PUM1: variants seen among roughly 807,000 people sequenced by gnomAD.
PUM1 encodes the protein pumilio RNA binding family member 1, also known as pumilio homolog 1.
A neutral mutation model predicts 131.8 loss-of-function variants in PUM1; 13 were observed. The observed-to-expected ratio is 0.10, with a 90% CI of 0.06 to 0.16. The LOEUF is 0.16. Ranked by LOEUF, PUM1 falls within the 10% of genes least tolerant of loss-of-function variation. The probability of loss-of-function intolerance (pLI) is 1.00; values close to 1 mark genes in which losing one functional copy is unlikely to be tolerated. For synonymous variants in PUM1, 509 were observed against 556.5 expected, an observed-to-expected ratio of 0.91 and a Z score of 1.20; for missense variants, 961 against 1,512.4, an observed-to-expected ratio of 0.64 and a Z score of 6.05.
intron 3 of PUM1, among the ~76,000 whole-genome samples, chr1:31,019,033 GA>G: frequency 6.6e-6 from 1 of 152,332 alleles, no homozygotes; most frequent in South Asian, 2.1e-4. Context: ...ATCAAGTTGA[GA>G]TAAGAATTTG....
intron 3 of PUM1, among the ~76,000 whole-genome samples, chr1:31,020,265 T>C (rs778162640): frequency 4.6e-5 from 7 of 152,214 alleles, no homozygotes; most frequent in Non-Finnish European, 1.0e-4. Flanking sequence ...TTTATGGGTG[T>C]AGGTGTACCA....
Position 31,008,895 on chromosome 1 carries a change from C to T in PUM1, c.433-1793G>A, listed in dbSNP as rs546486284. ...AAAAATGTCCTGTCCCCTGCAAGGCCGGGCGCGGTGGCTCACACCTATAAT... is the reference window on the plus strand; with the variant it reads ...AAAAATGTCCTGTCCCCTGCAAGGCTGGGCGCGGTGGCTCACACCTATAAT... On this transcript the variant is annotated intron_variant, in intron 3 of 21. Coordinates refer to ENST00000426105, the MANE Select transcript of PUM1 (RefSeq NM_001020658.2). 3.9e-5 allele frequency among the ~76,000 whole-genome samples: 6 copies of T among 151,906 alleles called. No individual in the cohort carries two copies. The East Asian group carries it at 1.2e-3, about 29-fold the overall frequency.
At chr1:30,965,161 G>A (rs1387080338) in intron 13 of PUM1, among the ~76,000 whole-genome samples, 2 of 152,154 alleles carry the variant, frequency 1.3e-5, no homozygotes, top group East Asian at 3.9e-4. Context: ...GGATAAGGGA[G>A]GGTTAAAAAG....
chr1:30,995,216 G>C lies in PUM1; in HGVS notation c.725C>G (p.Pro242Arg). The change falls in exon 6 of 22, where the codon CCA becomes CGA. Residue 242 changes from proline (P) to arginine (R), a missense_variant. By Grantham distance (103) the Pro-to-Arg change is moderately radical. Transcript: ENST00000426105. ...DSCLRKGGFG[P>R]RDADSDENDK... ...GTTTTCATCACTGTCTGCATCCCTTGGGCCCTGTTTAAAAAATAGCTTCAG... is the reference window on the plus strand; with the variant it reads ...GTTTTCATCACTGTCTGCATCCCTTCGGCCCTGTTTAAAAAATAGCTTCAG... The C allele has an allele frequency of 6.2e-7, 1 of 1,613,290 alleles. No individual in the cohort carries two copies. The highest frequency in any genetic ancestry group is 1.1e-5 in the South Asian group (1 of 90,928).
chr1:30,947,780 T>C (rs538179926), intron 17 of PUM1, among the ~76,000 whole-genome samples: 24 of 152,070 alleles, frequency 1.6e-4, no homozygotes, highest in Admixed American at 1.4e-3. Flanking sequence ...AACTAAGATA[T>C]CATCTAATTA....
At chr1:31,021,147 G>C (rs970284689) in intron 3 of PUM1, among the ~76,000 whole-genome samples, 1 of 152,064 alleles carries the variant, frequency 6.6e-6, no homozygotes, top group African/African-American at 2.4e-5. Flanking sequence ...TTTATATATC[G>C]GATTCAATTT....
intron 20 of PUM1, among the ~76,000 whole-genome samples, chr1:30,939,876 T>C (rs961601042): frequency 2.1e-4 from 32 of 152,188 alleles, no homozygotes; most frequent in Non-Finnish European, 7.3e-5. Context: ...ACTTCTTTTT[T>C]TTTAAATTGT....
intron 7 of PUM1, among the ~76,000 whole-genome samples, chr1:30,988,743 T>C (rs955665726): frequency 2.6e-5 from 4 of 152,204 alleles, no homozygotes; most frequent in African/African-American, 7.2e-5. Context: ...CTCTTCAGCC[T>C]AGGACTACAC....
intron 2 of PUM1, among the ~76,000 whole-genome samples, chr1:31,057,809 G>A (rs899130146): frequency 1.3e-5 from 2 of 150,110 alleles, no homozygotes; most frequent in Non-Finnish European, 3.0e-5. Context: ...TTGCAGGTAT[G>A]TTTGTACCTG....
chr1:31,056,174 G>A (rs996437261), intron 2 of PUM1, among the ~76,000 whole-genome samples: 2 of 152,038 alleles, frequency 1.3e-5, no homozygotes, highest in African/African-American at 4.8e-5. Context: ...CCAAACCAGA[G>A]GCACTCTGTA....
At chr1:30,986,310 C>T (rs1162046789) in intron 7 of PUM1, among the ~76,000 whole-genome samples, 1 of 152,078 alleles carries the variant, frequency 6.6e-6, no homozygotes, top group Non-Finnish European at 1.5e-5. Context: ...TTTCAGGGTT[C>T]ACAGAGAAAA....
At chr1:31,057,338 G>C (rs1334843890) in intron 2 of PUM1, among the ~76,000 whole-genome samples, 1 of 140,112 alleles carries the variant, frequency 7.1e-6, no homozygotes, top group East Asian at 2.3e-4. Context: ...GGGAGACCGT[G>C]GTTGCAGTGA....
At chr1:31,029,051 C>A (rs1643321570) in intron 2 of PUM1, among the ~76,000 whole-genome samples, 187 bp from the exon 3 acceptor site, 1 of 152,200 alleles carries the variant, frequency 6.6e-6, no homozygotes, top group South Asian at 2.1e-4. Flanking sequence ...GCAATGACCC[C>A]TACTTTCTCC....
intron 2 of PUM1, among the ~76,000 whole-genome samples, chr1:31,038,166 A>G (rs1643678126): frequency 6.6e-6 from 1 of 152,004 alleles, no homozygotes; most frequent in Non-Finnish European, 1.5e-5. Flanking sequence ...ACCTTTTATT[A>G]CAGAAGAAAA....
chr1:30,985,803 G>A (rs1227224204), intron 7 of PUM1, among the ~76,000 whole-genome samples: 1 of 152,130 alleles, frequency 6.6e-6, no homozygotes, highest in Non-Finnish European at 1.5e-5. Context: ...AAAAAGCTAT[G>A]TAGTTGAATT....
chr1:30,935,018 A>G (rs1639142279), intron 21 of PUM1, among the ~76,000 whole-genome samples: 2 of 152,194 alleles, frequency 1.3e-5, no homozygotes, highest in African/African-American at 2.4e-5. Flanking sequence ...CAGCCAACCA[A>G]CTGCTAAGCC....
At chr1:31,048,716 C>T (rs1303180062) in intron 2 of PUM1, among the ~76,000 whole-genome samples, 1 of 151,776 alleles carries the variant, frequency 6.6e-6, no homozygotes, top group Non-Finnish European at 1.5e-5. Context: ...CCTCATGATC[C>T]GCCTGCCTCG....
chr1:30,999,836 C>T (rs376741213), intron 5 of PUM1, among the ~76,000 whole-genome samples: 8 of 152,012 alleles, frequency 5.3e-5, no homozygotes, highest in African/African-American at 1.9e-4. Context: ...AATAAAGAGA[C>T]GCACTGGGAT....
rs1643885956 is a variant in PUM1 at position 31,043,477 on chromosome 1, C to T, written c.364-14613G>A. Among the ~76,000 whole-genome samples the T allele has an allele frequency of 2.6e-5, 4 of 152,104 alleles. No individual in the cohort carries two copies. In the South Asian group the frequency reaches 8.3e-4, roughly 32 times the overall value. ...TCAGGTGATCCACCTGCCTCAGCCT[C>T]CCAAATTGCTGGGATTACAGAGAAC... On this transcript the variant is annotated intron_variant, in intron 2 of 21. Transcript: ENST00000426105.
Sources: allele counts gnomAD v4.1 joint callset (sites outside exome capture counted in the v4.1 genomes callset), GRCh38; gene constraint gnomAD v4.1.1; transcripts MANE v1.5; gene names NCBI Gene and HGNC (gene_info 2026-07-23, HGNC 2026-07-21).